The following PTPRB variants were observed in gnomAD, a reference collection of about 807,000 sequenced individuals.
PTPRB encodes the protein receptor-type tyrosine-protein phosphatase beta.
A neutral mutation model predicts 238.1 loss-of-function variants in PTPRB; 97 were observed. The observed-to-expected ratio is 0.41, with a 90% CI of 0.35 to 0.48. PTPRB has a LOEUF of 0.48. Among genes scored for constraint, PTPRB ranks in the 20% least tolerant of loss-of-function variants. PTPRB has a pLI of 0.30. For missense variants in PTPRB, 2,292 were observed against 2,681.9 expected (o/e 0.85, Z 3.21); for synonymous variants, 970 against 995.4 (o/e 0.97, Z 0.48).
intron 33 of PTPRB, among the ~76,000 whole-genome samples, 197 bp from the exon 34 acceptor site, chr12:70,521,708 C>G (rs1488912349): frequency 1.3e-5 from 2 of 149,284 alleles, no homozygotes; most frequent in East Asian, 1.9e-4. Flanking sequence ...ACTAGTGATT[C>G]TAGCCCATCG....
intron 29 of PTPRB, among the ~76,000 whole-genome samples, 153 bp from the exon 30 acceptor site, chr12:70,535,108 G>T (rs1047665527): frequency 2.6e-5 from 4 of 152,034 alleles, no homozygotes; most frequent in Middle Eastern, 3.2e-3. Context: ...CCTTCTCATG[G>T]CCAGTGCTGA....
Position 70,581,089 on chromosome 12 carries a change from G to A in PTPRB, c.2525C>T (p.Thr842Ile), listed in dbSNP as rs770541357. 3 of 1,613,988 alleles carry A rather than the reference G, an allele frequency of 1.9e-6. No homozygotes were observed. In the South Asian group the frequency reaches 3.3e-5, roughly 18 times the overall value. Residue 842 changes from threonine to isoleucine, a missense_variant, in exon 10 of 34, where the codon ACA (threonine) becomes ATA (isoleucine). Thr to Ile is a moderately conservative substitution (Grantham distance 89). Transcript: ENST00000334414. ...KSGSLYSVVV[T>I]TVSGGISSRQ... ...GGAAGAGATCCCTCCACTCACTGTT[G>A]TTACCACCACGGAGTACAGGCTGCC...
chr12:70,540,741 A>T, intron 23 of PTPRB, 117 bp downstream of exon 23: 1 of 759,284 alleles, frequency 1.3e-6, no homozygotes, highest in South Asian at 1.9e-5. Context: ...GAAAACAGTG[A>T]CAATTTAACC....
In PTPRB at chr12:70,581,106, C is replaced by T. The variant is rs1881337872; in HGVS notation, c.2508G>A (p.Leu836=). The change falls in exon 10 of 34, where the codon CTG becomes CTA. Residue 836 remains leucine (L), a synonymous_variant. Transcript: ENST00000334414. ...TCACTGTTGTTACCACCACGGAGTA[C>T]AGGCTGCCGGACTTGAGAGAGTGGA... ...YSFHSLKSGS[L]YSVVVTTVSG... The T allele has an allele frequency of 6.2e-7, 1 of 1,614,004 alleles. No homozygotes were observed. The highest frequency in any genetic ancestry group is 8.5e-7 in the Non-Finnish European group (1 of 1,179,886).
rs902684126 is a variant in PTPRB at position 70,635,712 on chromosome 12, T to C, written c.410A>G (p.Lys137Arg). The change falls in exon 2 of 34, where the codon AAG (lysine) becomes AGG (arginine). Residue 137 changes from lysine (K) to arginine (R), a missense_variant. Lys to Arg is a conservative substitution (Grantham distance 26). Around this residue, in one of 4 missense-constraint regions of PTPRB, gnomAD observed 1,205 missense variants for 1,287.8 expected, o/e 0.94. Coordinates refer to ENST00000334414, the MANE Select transcript of PTPRB (RefSeq NM_001109754.4). ...LHSWMKIDVN[K>R]EGKLVNESLC... is the part of the protein sequence containing the mutation. ...GCTTTCATTGACCAGTTTTCCCTCC[T>C]TGTTGACATCTATTTTCATCCAGCT... 2 of 1,613,882 alleles carry C rather than the reference T, an allele frequency of 1.2e-6. No individual in the cohort carries two copies. Among genetic ancestry groups the C allele is most frequent in the Non-Finnish European group, 1.7e-6 (2 of 1,179,892 alleles).
At chr12:70,601,232 A>G (rs1248710362) in intron 4 of PTPRB, among the ~76,000 whole-genome samples, 2 of 151,430 alleles carry the variant, frequency 1.3e-5, no homozygotes, top group East Asian at 2.0e-4. Flanking sequence ...CAAACTCCTG[A>G]GCTCACATGA....
intron 4 of PTPRB, among the ~76,000 whole-genome samples, chr12:70,602,643 T>C (rs188576459): frequency 6.6e-6 from 1 of 152,330 alleles, no homozygotes; most frequent in African/African-American, 2.4e-5. Flanking sequence ...ACTTGGATTG[T>C]ATCAAAATGA....
At chr12:70,556,467 G>A (rs1477914619) in intron 18 of PTPRB, among the ~76,000 whole-genome samples, 2 of 151,920 alleles carry the variant, frequency 1.3e-5, no homozygotes, top group Non-Finnish European at 2.9e-5. Context: ...CCTTCCAAAT[G>A]GAAAAAGCAA....
intron 20 of PTPRB, among the ~76,000 whole-genome samples, chr12:70,553,894 A>G (rs1877266176): frequency 1.3e-5 from 2 of 152,196 alleles, no homozygotes; most frequent in Admixed American, 1.3e-4. Flanking sequence ...ATCTTAGCTA[A>G]CCTGGAAATC....
chr12:70,524,449 A>C, intron 33 of PTPRB, 22 bp downstream of exon 33: 1 of 1,577,320 alleles, frequency 6.3e-7, no homozygotes, highest in Non-Finnish European at 8.6e-7. Flanking sequence ...AACTTGGGGA[A>C]GTAAGTGAAG....
chr12:70,586,690 A>G (rs989637767), intron 9 of PTPRB, among the ~76,000 whole-genome samples: 1 of 152,192 alleles, frequency 6.6e-6, no homozygotes, highest in Non-Finnish European at 1.5e-5. Context: ...CCTTTAAAAA[A>G]TCATCCTCCT....
intron 18 of PTPRB, among the ~76,000 whole-genome samples, chr12:70,556,511 C>T (rs1285457375): frequency 6.6e-6 from 1 of 151,914 alleles, no homozygotes; most frequent in African/African-American, 2.4e-5. Context: ...AACAGAAGAT[C>T]GAAGGACCAT....
rs2304821 is a variant in PTPRB, at chr12:70,569,839, G to A, written c.3470C>T (p.Thr1157Met). 0.088 allele frequency: 142,059 copies of A among 1,613,768 alleles called. 6,431 individuals are homozygous for A. The highest frequency in any genetic ancestry group is 0.1 in the Middle Eastern group (623 of 6,062). Residue 1157 changes from threonine to methionine, a missense_variant, in exon 14 of 34, where the codon ACG (threonine) becomes ATG (methionine). Thr to Met is a moderately conservative substitution (Grantham distance 81). This residue lies in a region of PTPRB where 683 missense variants were observed against 862.0 expected (regional missense o/e 0.79). Coordinates refer to ENST00000334414, the MANE Select transcript of PTPRB (RefSeq NM_001109754.4). ...TTGACTGTGCCTGAATGCCGACACC[G>A]TGTAGGAATCAACGTCTCCCCCACC... ...TPGGGDVDSY[T>M]VSAFRHSQKV...
chr12:70,537,933 C>T, intron 28 of PTPRB: 3 of 464,636 alleles, frequency 6.5e-6, no homozygotes, highest in Non-Finnish European at 1.1e-5. Flanking sequence ...GAAAATGCAT[C>T]TTGGGCTCAT....
chr12:70,637,010 C>T (rs769808692), intron 1 of PTPRB, among the ~76,000 whole-genome samples: 5 of 152,018 alleles, frequency 3.3e-5, no homozygotes, highest in African/African-American at 4.8e-5. Flanking sequence ...AAACTATAAC[C>T]GGGTCGGAAA....
intron 4 of PTPRB, among the ~76,000 whole-genome samples, chr12:70,599,973 C>G (rs1883339589): frequency 7.7e-6 from 1 of 130,716 alleles, no homozygotes; most frequent in South Asian, 2.8e-4. Flanking sequence ...ATAGAAAGAC[C>G]CTGTTTTTTT....
intron 2 of PTPRB, 110 bp downstream of exon 2, chr12:70,635,561 G>T: frequency 1.6e-6 from 2 of 1,288,968 alleles, no homozygotes; most frequent in Non-Finnish European, 1.0e-6. Flanking sequence ...AATATGTTGG[G>T]GCATGTGGAC....
At chr12:70,557,484 C>G (rs571988124) in intron 18 of PTPRB, among the ~76,000 whole-genome samples, 2 of 152,308 alleles carry the variant, frequency 1.3e-5, no homozygotes, top group South Asian at 2.1e-4. Context: ...TTTTTGTCCT[C>G]TTGGGCACTC....
At chr12:70,552,495 A>AAAAT (rs200389106) in intron 21 of PTPRB, among the ~76,000 whole-genome samples, 8 of 134,294 alleles carry the variant, frequency 6.0e-5, no homozygotes, top group African/African-American at 2.5e-4. Flanking sequence ...AAAAAAAAAA[A>AAAAT]AAAAATAATG....
Sources: gnomAD v4.1 joint callset for allele counts (sites outside exome capture counted in the v4.1 genomes callset) on GRCh38, gnomAD v4.1.1 for gene constraint, gnomAD v4.1.1 regional missense constraint, MANE v1.5 for transcripts, NCBI Gene and HGNC (gene_info 2026-07-23, HGNC 2026-07-21) for gene names.